Variants in OPCML observed in about 807,000 individuals in gnomAD.
OPCML encodes the protein opioid binding protein/cell adhesion molecule like, also known as opioid-binding protein/cell adhesion molecule.
In OPCML, 13 loss-of-function variants were observed where a neutral mutation model predicts 37.8. That is an observed-to-expected ratio of 0.34 (90% CI 0.22 to 0.55). OPCML has a LOEUF of 0.55. OPCML is among the 20% of genes least tolerant of loss of function. The probability of loss-of-function intolerance (pLI) is 0.91; values close to 1 mark genes in which losing one functional copy is unlikely to be tolerated. For synonymous variants in OPCML, 176 were observed against 168.8 expected (o/e 1.04, Z -0.33); for missense variants, 341 against 435.6 (o/e 0.78, Z 1.93).
chr11:133,410,136 G>A (rs115900846), intron 1 of OPCML, among the ~76,000 whole-genome samples: 84 of 152,298 alleles, frequency 5.5e-4, no homozygotes, highest in African/African-American at 2.0e-3. Flanking sequence ...ATAAGTGAGT[G>A]GTGACAGCTG....
At chr11:133,312,480 A>G (rs1408205063) in intron 1 of OPCML, among the ~76,000 whole-genome samples, 1 of 152,214 alleles carries the variant, frequency 6.6e-6, no homozygotes, top group African/African-American at 2.4e-5. Context: ...CGTAGCCCTG[A>G]ATAGGCTGTT....
chr11:132,903,486 G>C (rs1412707193), intron 2 of OPCML, among the ~76,000 whole-genome samples: 3 of 152,138 alleles, frequency 2.0e-5, no homozygotes, highest in South Asian at 2.1e-4. Flanking sequence ...CCATTCCAAA[G>C]TTAACCTGAA....
At chr11:132,980,413 A>G (rs1157063689) in intron 1 of OPCML, among the ~76,000 whole-genome samples, 1 of 152,256 alleles carries the variant, frequency 6.6e-6, no homozygotes, top group Non-Finnish European at 1.5e-5. Context: ...GACATCTTTA[A>G]TCCATTCAAC....
At position 133,173,770 on chromosome 11, in the gene OPCML, C is replaced by A. The variant is rs184966818; in HGVS notation, c.62-230760G>T. ...CATAAGTAAAGAAAAAATAGAATTA[C>A]GTTTTTCTCTTTTTCCCCATCCCAG... is the stretch of plus-strand genomic sequence containing the variant. On this transcript the variant is annotated intron_variant, in intron 1 of 7. Transcript: ENST00000524381. The surrounding 1 kb of genome is among the most constrained non-coding windows in gnomAD (Gnocchi z 7.8). Among the ~76,000 whole-genome samples, 12 of 152,300 alleles carry A rather than the reference C, an allele frequency of 7.9e-5. No homozygotes were observed. The highest frequency in any genetic ancestry group is 3.9e-4 in the Admixed American group (6 of 15,302).
At chr11:132,699,185 G>A (rs983335053) in intron 2 of OPCML, among the ~76,000 whole-genome samples, 4 of 151,900 alleles carry the variant, frequency 2.6e-5, no homozygotes, top group Non-Finnish European at 4.4e-5. Flanking sequence ...AAATGCAACT[G>A]ATATTTGTAT....
At chr11:132,424,853 T>C (rs1171834133) in intron 7 of OPCML, among the ~76,000 whole-genome samples, 2 of 152,192 alleles carry the variant, frequency 1.3e-5, no homozygotes, top group East Asian at 3.9e-4. Flanking sequence ...TAGTGGAGAC[T>C]AATACTAGCT....
At chr11:132,724,941 G>T (rs375418263) in intron 2 of OPCML, among the ~76,000 whole-genome samples, 1 of 152,314 alleles carries the variant, frequency 6.6e-6, no homozygotes, top group South Asian at 2.1e-4. Flanking sequence ...GGGCAACTCC[G>T]TGGTTTTGCA....
intron 1 of OPCML, among the ~76,000 whole-genome samples, chr11:133,411,162 A>G (rs185958288): frequency 1.3e-5 from 2 of 152,268 alleles, no homozygotes; most frequent in African/African-American, 2.4e-5. Context: ...CATGGAACCA[A>G]TAGGGTCCCT....
intron 4 of OPCML, among the ~76,000 whole-genome samples, chr11:132,515,726 A>G (rs2096278165): frequency 6.6e-6 from 1 of 152,174 alleles, no homozygotes; most frequent in Admixed American, 6.5e-5. Flanking sequence ...CTTATTAACC[A>G]TGATTACTAC....
chr11:133,190,298 C>T (rs1426447753), intron 1 of OPCML, among the ~76,000 whole-genome samples: 1 of 152,158 alleles, frequency 6.6e-6, no homozygotes, highest in Non-Finnish European at 1.5e-5. Flanking sequence ...TAGCCTTTTC[C>T]AGAGCCATTT....
At chr11:133,297,114 A>G (rs1942649485) in intron 1 of OPCML, 1 of 152,178 alleles carries the variant, frequency 6.6e-6, no homozygotes, top group African/African-American at 2.4e-5. Flanking sequence ...ACTTCCTTCC[A>G]ATGGGATTGA....
chr11:132,499,838 G>A (rs779717394), intron 4 of OPCML, among the ~76,000 whole-genome samples: 3 of 152,168 alleles, frequency 2.0e-5, no homozygotes, highest in African/African-American at 4.8e-5. Flanking sequence ...TTAACATCAC[G>A]GTATGTTCTG....
At position 132,424,265 on chromosome 11, in the gene OPCML, G is replaced by A. The variant is rs770639426; in HGVS notation, c.917-3972C>T. 7.9e-5 allele frequency among the ~76,000 whole-genome samples: 12 copies of A among 151,930 alleles called. 1 individual carries two copies. The highest frequency in any genetic ancestry group is 3.3e-4 in the Admixed American group (5 of 15,244). ...CTCCCAAGTAGCTGGGACTACAGAC[G>A]CCTGCCACCATGCCCAGCTAATTTT... On this transcript the variant is annotated intron_variant, in intron 7 of 7. Coordinates refer to ENST00000524381, the MANE Select transcript of OPCML (RefSeq NM_001012393.5).
intron 1 of OPCML, among the ~76,000 whole-genome samples, chr11:133,188,139 G>A (rs570842866): frequency 3.5e-4 from 54 of 152,280 alleles, no homozygotes; most frequent in African/African-American, 2.4e-5. Flanking sequence ...TTTTATTTCT[G>A]GTCAGGATTA....
At chr11:132,431,036 TG>T (rs1174143190) in intron 7 of OPCML, among the ~76,000 whole-genome samples, 2 of 152,200 alleles carry the variant, frequency 1.3e-5, no homozygotes, top group African/African-American at 4.8e-5. Flanking sequence ...CCACCCCTGC[TG>T]TACTTAGGCC....
At position 133,141,045 on chromosome 11, in the gene OPCML, C is replaced by CGAAGAAGAAGAAGAAGAA. The variant is rs1439158073; in HGVS notation, c.62-198036_62-198035insTTCTTCTTCTTCTTCTTC. Among the ~76,000 whole-genome samples the CGAAGAAGAAGAAGAAGAA allele has an allele frequency of 1.5e-3, 5 of 3,362 alleles. 1 individual carries two copies. Among genetic ancestry groups the CGAAGAAGAAGAAGAAGAA allele is most frequent in the Non-Finnish European group, 4.6e-3 (3 of 658 alleles). The allele number at this position is 3,362 out of a possible 152,430, so 2.2% of individuals were successfully genotyped here. A position where few individuals can be genotyped will look rare whatever the true frequency, so the allele number is the denominator to read the frequency against. On this transcript the variant is annotated intron_variant, in intron 1 of 7. Coordinates refer to ENST00000524381, the MANE Select transcript of OPCML (RefSeq NM_001012393.5). ...ACGACGACGACGACGACGACGACGA[C>CGAAGAAGAAGAAGAAGAA]GACGAAGAAGAAGAAGAAGAAGAAG...
chr11:133,523,738 G>C (rs946559141), intron 1 of OPCML, among the ~76,000 whole-genome samples: 1 of 152,162 alleles, frequency 6.6e-6, no homozygotes, highest in African/African-American at 2.4e-5. Context: ...CTACACTCCA[G>C]TCAGGTGGGA....
At chr11:133,136,827 A>ATG (rs1949698708) in intron 1 of OPCML, among the ~76,000 whole-genome samples, 1 of 68,778 alleles carries the variant, frequency 1.5e-5, no homozygotes, top group Admixed American at 1.5e-4. Flanking sequence ...TTCTATGTGC[A>ATG]CGTGTGTGTG....
At chr11:132,853,242 C>G (rs1257316215) in intron 2 of OPCML, among the ~76,000 whole-genome samples, 3 of 152,126 alleles carry the variant, frequency 2.0e-5, no homozygotes, top group African/African-American at 7.2e-5. Flanking sequence ...GAATTCATCA[C>G]CATGACTTGA....
Sources: allele counts gnomAD v4.1 joint callset (sites outside exome capture counted in the v4.1 genomes callset), GRCh38; gene constraint gnomAD v4.1.1; non-coding constraint Gnocchi (gnomAD v3.1); transcripts MANE v1.5; gene names NCBI Gene and HGNC (gene_info 2026-07-23, HGNC 2026-07-21).